The following EPHA6 variants were observed in gnomAD, a reference collection of about 807,000 sequenced individuals.
EPHA6 encodes the protein ephrin type-A receptor 6.
In EPHA6, 50 loss-of-function variants were observed where a neutral mutation model predicts 112.0. The ratio of observed to expected loss-of-function variants is 0.45; its 90% confidence interval spans 0.36 to 0.56. The LOEUF (loss-of-function observed/expected upper bound fraction) is 0.56, where lower values mean the gene tolerates loss of function less well. Ranked by LOEUF, EPHA6 falls within the 20% of genes least tolerant of loss-of-function variation. The pLI is 0.00. For synonymous variants in EPHA6, 529 were observed against 490.7 expected (o/e 1.08, Z -1.03); for missense variants, 1,280 against 1,417.4 (o/e 0.90, Z 1.56).
intron 5 of EPHA6, among the ~76,000 whole-genome samples, chr3:97,278,807 A>C (rs1256150230): frequency 6.6e-6 from 1 of 152,182 alleles, no homozygotes; most frequent in South Asian, 2.1e-4. Flanking sequence ...ATTGGCCTGC[A>C]CACACCCCTC....
At position 97,580,886 on chromosome 3, in the gene EPHA6, A is replaced by G. The variant is rs553028605; in HGVS notation, c.2387-11726A>G. Among the ~76,000 whole-genome samples, 142 of 152,344 alleles carry G rather than the reference A, an allele frequency of 9.3e-4. 1 individual carries two copies. The Middle Eastern group carries it at 0.014, about 15-fold the overall frequency. On this transcript the variant is annotated intron_variant, in intron 11 of 17. Coordinates refer to ENST00000389672, the MANE Select transcript of EPHA6 (RefSeq NM_001080448.3). ...CCTCTTTCAAACCCATTTCACACTT[A>G]TGATCTTATTTGAAAATAGAGCCCA...
intron 5 of EPHA6, among the ~76,000 whole-genome samples, chr3:97,367,913 A>G (rs1270184463): frequency 6.6e-6 from 1 of 152,186 alleles, no homozygotes; most frequent in African/African-American, 2.4e-5. Flanking sequence ...CCAAAAATTA[A>G]AAGTAATATA....
At chr3:97,069,285 C>T (rs2108152529) in intron 3 of EPHA6, among the ~76,000 whole-genome samples, 2 of 152,250 alleles carry the variant, frequency 1.3e-5, no homozygotes, top group South Asian at 4.1e-4. Flanking sequence ...ATTTACTATT[C>T]ATTAAGCTGA....
chr3:96,849,257 A>T (rs1367815044), intron 1 of EPHA6, among the ~76,000 whole-genome samples: 1 of 152,134 alleles, frequency 6.6e-6, no homozygotes, highest in Non-Finnish European at 1.5e-5. Context: ...CAGTTTAAAT[A>T]TTTTATTGAT....
At chr3:97,182,230 T>G (rs1218292854) in intron 3 of EPHA6, among the ~76,000 whole-genome samples, 7 of 151,714 alleles carry the variant, frequency 4.6e-5, no homozygotes, top group Non-Finnish European at 1.0e-4. Context: ...TAGTTTGTTC[T>G]CAGAAAACAA....
intron 11 of EPHA6, among the ~76,000 whole-genome samples, chr3:97,568,795 C>A (rs954085341): frequency 1.3e-5 from 2 of 152,108 alleles, no homozygotes; most frequent in Non-Finnish European, 2.9e-5. Context: ...GTATAGGGAC[C>A]AGTTCCACAG....
At chr3:97,207,927 C>T (rs1000648916) in intron 3 of EPHA6, among the ~76,000 whole-genome samples, 9 of 152,022 alleles carry the variant, frequency 5.9e-5, no homozygotes, top group African/African-American at 2.2e-4. Flanking sequence ...AACTCAGGCT[C>T]AGGCCAACAG....
chr3:96,832,291 G>T (rs1430358181), intron 1 of EPHA6, among the ~76,000 whole-genome samples: 1 of 151,994 alleles, frequency 6.6e-6, no homozygotes, highest in Non-Finnish European at 1.5e-5. Context: ...GCCTAGGATG[G>T]TTAGGTGTAA....
chr3:96,897,200 G>A (rs2107559248), intron 2 of EPHA6, among the ~76,000 whole-genome samples: 1 of 142,372 alleles, frequency 7.0e-6, no homozygotes, highest in African/African-American at 2.9e-5. Flanking sequence ...CTATATATCT[G>A]TGTATATACA....
chr3:97,171,619 A>G (rs1164099000), intron 3 of EPHA6, among the ~76,000 whole-genome samples: 1 of 152,136 alleles, frequency 6.6e-6, no homozygotes, highest in Non-Finnish European at 1.5e-5. Context: ...CCTGTAAGTT[A>G]TTGGGAGAAT....
At chr3:97,155,835 T>A (rs772587930) in intron 3 of EPHA6, among the ~76,000 whole-genome samples, 3 of 152,114 alleles carry the variant, frequency 2.0e-5, no homozygotes, top group Non-Finnish European at 4.4e-5. Context: ...CTTTTCAAAC[T>A]TGGAGTTTCT....
intron 3 of EPHA6, among the ~76,000 whole-genome samples, chr3:97,082,851 C>T (rs1205217698): frequency 6.6e-6 from 1 of 151,894 alleles, no homozygotes; most frequent in Admixed American, 6.6e-5. Context: ...TATTGACCAA[C>T]ATTTTTCTTA....
intron 12 of EPHA6, among the ~76,000 whole-genome samples, chr3:97,596,033 G>GTAGC (rs1158291957): frequency 6.6e-6 from 1 of 151,032 alleles, no homozygotes; most frequent in Admixed American, 6.6e-5. Flanking sequence ...AGCCTCACGA[G>GTAGC]TAGCTGGGAC....
chr3:97,113,376 C>T (rs542417838), intron 3 of EPHA6, among the ~76,000 whole-genome samples: 1 of 152,048 alleles, frequency 6.6e-6, no homozygotes, highest in African/African-American at 2.4e-5. Context: ...AAAGACTTTA[C>T]CCATCCTCCA....
chr3:97,017,262 G>A (rs2044296251), intron 3 of EPHA6, among the ~76,000 whole-genome samples: 2 of 152,156 alleles, frequency 1.3e-5, no homozygotes. Context: ...CCTGGAAGTG[G>A]CTGTGTGGCT....
chr3:96,961,184 T>C (rs1003319204), intron 2 of EPHA6, among the ~76,000 whole-genome samples: 1 of 152,250 alleles, frequency 6.6e-6, no homozygotes, highest in Non-Finnish European at 1.5e-5. Context: ...AAAGGGAGGC[T>C]ACTGTCCTTT....
chr3:97,354,674 C>T (rs558354217), intron 5 of EPHA6, among the ~76,000 whole-genome samples: 2 of 152,068 alleles, frequency 1.3e-5, no homozygotes, highest in South Asian at 2.1e-4. Context: ...AGAGAGAGAT[C>T]GGGGTAGAAA....
At chr3:97,557,975 G>A (rs1230371323) in intron 11 of EPHA6, among the ~76,000 whole-genome samples, 3 of 151,902 alleles carry the variant, frequency 2.0e-5, no homozygotes, top group Admixed American at 2.0e-4. Flanking sequence ...GTTCAGCTCA[G>A]TCTCCTTTGA....
intron 3 of EPHA6, among the ~76,000 whole-genome samples, chr3:97,163,585 G>A (rs561408570): frequency 6.6e-6 from 1 of 152,230 alleles, no homozygotes; most frequent in East Asian, 1.9e-4. Context: ...TATAGGTCTA[G>A]AAGTAAAGAG....
Sources: allele counts gnomAD v4.1 joint callset (sites outside exome capture counted in the v4.1 genomes callset), GRCh38; gene constraint gnomAD v4.1.1; transcripts MANE v1.5; gene names NCBI Gene and HGNC (gene_info 2026-07-23, HGNC 2026-07-21).